RERE: variants seen among roughly 807,000 people sequenced by gnomAD.
The protein encoded by RERE is arginine-glutamic acid dipeptide repeats.
A neutral mutation model predicts 146.1 loss-of-function variants in RERE; 40 were observed. That is an observed-to-expected ratio of 0.27 (90% CI 0.21 to 0.36). The LOEUF is 0.36. RERE is among the 10% of genes least tolerant of loss of function. RERE has a pLI of 1.00. For missense variants in RERE, 1,933 were observed against 2,138.7 expected (o/e 0.90, Z 1.90); for synonymous variants, 1,003 against 866.0 (o/e 1.16, Z -2.78).
At chr1:8,657,306 C>CAAAA in intron 1 of RERE, among the ~76,000 whole-genome samples, 1 of 14,222 alleles carries the variant, frequency 7.0e-5, no homozygotes, top group African/African-American at 2.8e-4. Flanking sequence ...GACTCCGTCT[C>CAAAA]AAAAAAAAAA....
At chr1:8,683,055 A>AAT (rs70985507) in intron 1 of RERE, among the ~76,000 whole-genome samples, 1 of 144,874 alleles carries the variant, frequency 6.9e-6, no homozygotes, top group Non-Finnish European at 1.5e-5. Flanking sequence ...AAAAAAAAAA[A>AAT]GAATGGAACT....
intron 1 of RERE, among the ~76,000 whole-genome samples, chr1:8,809,843 TAAAC>T (rs1367749424): frequency 6.6e-6 from 1 of 152,114 alleles, no homozygotes; most frequent in Non-Finnish European, 1.5e-5. Flanking sequence ...ATGGAAGTAA[TAAAC>T]ATTAATACAA....
At chr1:8,612,995 G>C (rs889706716) in intron 4 of RERE, among the ~76,000 whole-genome samples, 2 of 152,150 alleles carry the variant, frequency 1.3e-5, no homozygotes, top group African/African-American at 4.8e-5. Context: ...AATTACATCA[G>C]CAAATATGTA....
At chr1:8,403,703 T>C (rs561727020) in intron 12 of RERE, among the ~76,000 whole-genome samples, 1 of 152,070 alleles carries the variant, frequency 6.6e-6, no homozygotes, top group Non-Finnish European at 1.5e-5. Flanking sequence ...TTTGATTTAA[T>C]GTGGATCATC....
At chr1:8,653,187 T>C (rs1647717186) in intron 2 of RERE, among the ~76,000 whole-genome samples, 1 of 152,180 alleles carries the variant, frequency 6.6e-6, no homozygotes, top group Non-Finnish European at 1.5e-5. Context: ...ACAGGCAGCA[T>C]TTTCCACACA....
chr1:8,450,698 A>G (rs1557638410), intron 11 of RERE, among the ~76,000 whole-genome samples: 2 of 152,108 alleles, frequency 1.3e-5, no homozygotes, highest in Non-Finnish European at 2.9e-5. Flanking sequence ...TGTTTTGTCA[A>G]CAGTAGCAAT....
intron 12 of RERE, among the ~76,000 whole-genome samples, chr1:8,403,909 C>A (rs1279187003): frequency 7.3e-6 from 1 of 137,408 alleles, no homozygotes; most frequent in African/African-American, 2.7e-5. Context: ...CGGCTCACTG[C>A]AACCTCCATC....
At chr1:8,369,508 T>TAAAAAAAAAAAAAAAA (rs1186718390) in intron 12 of RERE, among the ~76,000 whole-genome samples, 31 of 76,896 alleles carry the variant, frequency 4.0e-4, no homozygotes, top group African/African-American at 1.2e-3. Flanking sequence ...CGCCTTTTAC[T>TAAAAAAAAAAAAAAAA]AAAAAAAAAA....
chr1:8,783,194 G>C (rs999115861), intron 1 of RERE, among the ~76,000 whole-genome samples: 7 of 151,948 alleles, frequency 4.6e-5, no homozygotes, highest in Non-Finnish European at 8.8e-5. Flanking sequence ...AATTAGCTGA[G>C]CATGGTGGCA....
intron 7 of RERE, among the ~76,000 whole-genome samples, chr1:8,540,198 C>T (rs1427740977): frequency 2.6e-5 from 4 of 152,294 alleles, no homozygotes; most frequent in South Asian, 2.1e-4. Context: ...CAGGCTCAAG[C>T]AATCCTCCTG....
At chr1:8,660,933 A>G (rs756220631) in intron 1 of RERE, among the ~76,000 whole-genome samples, 7 of 152,226 alleles carry the variant, frequency 4.6e-5, no homozygotes, top group East Asian at 1.9e-4. Flanking sequence ...ATTATGTGCT[A>G]TTTACAGCTC....
At chr1:8,376,923 T>A (rs904581717) in intron 12 of RERE, among the ~76,000 whole-genome samples, 6 of 152,360 alleles carry the variant, frequency 3.9e-5, no homozygotes, top group Non-Finnish European at 7.3e-5. Context: ...TGCTACCCAC[T>A]GCAAGCAGAT....
At chr1:8,567,883 T>A (rs927495382) in intron 4 of RERE, among the ~76,000 whole-genome samples, 1 of 152,198 alleles carries the variant, frequency 6.6e-6, no homozygotes, top group African/African-American at 2.4e-5. Flanking sequence ...GGGACAGACA[T>A]AGCAAACTAA....
intron 12 of RERE, among the ~76,000 whole-genome samples, chr1:8,395,068 A>C (rs1206128629): frequency 4.6e-5 from 7 of 152,220 alleles, no homozygotes; most frequent in Admixed American, 1.3e-4. Flanking sequence ...TTTGTTACTA[A>C]ACTTTCAGAT....
At chr1:8,618,002 C>T (rs1178261375) in intron 3 of RERE, among the ~76,000 whole-genome samples, 1 of 152,182 alleles carries the variant, frequency 6.6e-6, no homozygotes, top group African/African-American at 2.4e-5. Context: ...TTGATGTATG[C>T]ACTGTATCAA....
Position 8,601,626 on chromosome 1 carries a change from C to CCACACACACACACACACACACA in RERE, c.522+12913_522+12934dup, listed in dbSNP as rs3082094. 9.5e-5 allele frequency among the ~76,000 whole-genome samples: 9 copies of CCACACACACACACACACACACA among 94,978 alleles called. 1 individual carries two copies. The highest frequency in any genetic ancestry group is 3.9e-4 in the African/African-American group (9 of 22,916). The allele number at this position is 94,978 out of a possible 152,430, so 62.3% of individuals were successfully genotyped here. On this transcript the variant is annotated intron_variant, in intron 4 of 22. Transcript: ENST00000400908. ...CCAACTGCCTTCATGTCCAAGGTCA[C>CCACACACACACACACACACACA]CACACACACACACACACACACACAC...
At chr1:8,403,106 C>T (rs936239103) in intron 12 of RERE, among the ~76,000 whole-genome samples, 1 of 152,008 alleles carries the variant, frequency 6.6e-6, no homozygotes, top group Non-Finnish European at 1.5e-5. Context: ...ACCATGTTGG[C>T]CTGGCTGGTT....
chr1:8,454,783 C>T (rs866720523), intron 11 of RERE, among the ~76,000 whole-genome samples: 4 of 151,530 alleles, frequency 2.6e-5, no homozygotes, highest in African/African-American at 9.7e-5. Flanking sequence ...CCAGCCTGGG[C>T]GACAGGGTAA....
At chr1:8,740,009 A>C (rs2124500999) in intron 1 of RERE, among the ~76,000 whole-genome samples, 1 of 151,892 alleles carries the variant, frequency 6.6e-6, no homozygotes, top group East Asian at 1.9e-4. Flanking sequence ...CCCTATTGCC[A>C]TATCCACTTT....
Sources: gnomAD v4.1 joint callset for allele counts (sites outside exome capture counted in the v4.1 genomes callset) on GRCh38, gnomAD v4.1.1 for gene constraint, MANE v1.5 for transcripts, NCBI Gene and HGNC (gene_info 2026-07-23, HGNC 2026-07-21) for gene names.